The following MGAT4A variants were observed in gnomAD, a reference collection of about 807,000 sequenced individuals.
The protein encoded by MGAT4A is N-acetylglucosaminyltransferase IVa.
A neutral mutation model predicts 74.1 loss-of-function variants in MGAT4A; 33 were observed. The ratio of observed to expected loss-of-function variants is 0.45; its 90% confidence interval spans 0.34 to 0.60. The LOEUF is 0.60. MGAT4A is among the 20% of genes least tolerant of loss of function. The pLI is 0.02. For missense variants in MGAT4A, 479 were observed against 628.3 expected (o/e 0.76, Z 2.54); for synonymous variants, 198 against 210.4 (o/e 0.94, Z 0.51).
At chr2:98,711,684 G>A (rs1396265048) in intron 2 of MGAT4A, among the ~76,000 whole-genome samples, 1 of 151,960 alleles carries the variant, frequency 6.6e-6, no homozygotes, top group Non-Finnish European at 1.5e-5. Context: ...ACGTGCATAA[G>A]TACCACGTTA....
chr2:98,630,224 C>G (rs76023335), intron 14 of MGAT4A, among the ~76,000 whole-genome samples: 3 of 152,036 alleles, frequency 2.0e-5, no homozygotes, highest in African/African-American at 7.2e-5. Flanking sequence ...GAGAACAGAT[C>G]GTGCTGTCCA....
At chr2:98,691,148 G>A (rs1468951466) in intron 2 of MGAT4A, among the ~76,000 whole-genome samples, 2 of 152,108 alleles carry the variant, frequency 1.3e-5, no homozygotes, top group Non-Finnish European at 2.9e-5. Flanking sequence ...TATATGTCCA[G>A]GGGTCTTGTA....
chr2:98,630,983 C>T (rs1050468491), intron 14 of MGAT4A, among the ~76,000 whole-genome samples: 3 of 152,226 alleles, frequency 2.0e-5, no homozygotes, highest in African/African-American at 7.2e-5. Flanking sequence ...GAACCCCACA[C>T]TCCTGGCATT....
intron 2 of MGAT4A, among the ~76,000 whole-genome samples, chr2:98,684,567 T>C (rs866972697): frequency 2.0e-4 from 31 of 152,160 alleles, no homozygotes; most frequent in African/African-American, 4.3e-4. Context: ...GTGAAAAGGG[T>C]AACTCTGGGC....
chr2:98,717,286 G>A (rs1444002847), intron 2 of MGAT4A, among the ~76,000 whole-genome samples: 1 of 151,998 alleles, frequency 6.6e-6, no homozygotes, highest in African/African-American at 2.4e-5. Context: ...GGCCGAGATA[G>A]GAGAATCGCT....
intron 2 of MGAT4A, among the ~76,000 whole-genome samples, chr2:98,693,153 T>C (rs1161901586): frequency 6.6e-6 from 1 of 152,176 alleles, no homozygotes; most frequent in African/African-American, 2.4e-5. Context: ...TGGCACATTT[T>C]TTAAGCACTA....
intron 4 of MGAT4A, among the ~76,000 whole-genome samples, chr2:98,664,059 T>C (rs1701790813): frequency 6.6e-6 from 1 of 151,716 alleles, no homozygotes; most frequent in African/African-American, 2.4e-5. Context: ...ATACAAAAAT[T>C]ATCTGGGCAT....
chr2:98,711,688 C>G (rs1189163229), intron 2 of MGAT4A, among the ~76,000 whole-genome samples: 1 of 152,016 alleles, frequency 6.6e-6, no homozygotes, highest in African/African-American at 2.4e-5. Flanking sequence ...GCATAAGTAC[C>G]ACGTTAGCCT....
chr2:98,675,222 G>A (rs1440993108), intron 3 of MGAT4A, 47 bp from the exon 4 acceptor site: 1 of 1,392,120 alleles, frequency 7.2e-7, no homozygotes, highest in Non-Finnish European at 9.8e-7. Context: ...CCTTACAGAA[G>A]TTGCTGATTT....
chr2:98,628,442 A>G (rs1701178064), intron 14 of MGAT4A, among the ~76,000 whole-genome samples: 1 of 152,242 alleles, frequency 6.6e-6, no homozygotes, highest in Non-Finnish European at 1.5e-5. Flanking sequence ...TGATTTAATT[A>G]ACTCGTGATT....
Position 98,625,182 on chromosome 2 carries a change from A to T in MGAT4A, c.*384T>A. 3 of 820,274 alleles carry T rather than the reference A, an allele frequency of 3.7e-6. No individual in the cohort carries two copies. Among genetic ancestry groups the T allele is most frequent in the Non-Finnish European group, 4.4e-6 (3 of 679,462 alleles). The allele number at this position is 820,274 out of a possible 1,614,324, so 50.8% of individuals were successfully genotyped here. On this transcript the variant is annotated 3_prime_UTR_variant, in exon 16 of 16. Transcript: ENST00000393487. ...ATATATAATCCCTGATAATCTATAA[A>T]AGAGGGTCTATAATAGTAAAATAAG... is the stretch of plus-strand genomic sequence containing the variant.
Position 98,659,812 on chromosome 2 carries a change from C to T in MGAT4A, c.538-1548G>A, listed in dbSNP as rs1401405940. On this transcript the variant is annotated intron_variant, in intron 5 of 15. Coordinates refer to ENST00000393487, the MANE Select transcript of MGAT4A (RefSeq NM_012214.3). ...ATAAATTACCCAGTCTTGGGTATGT[C>T]TTTATCAGCAGCATAAAAATGGACT... Among the ~76,000 whole-genome samples, 3 of 152,046 alleles carry T rather than the reference C, an allele frequency of 2.0e-5. No individual in the cohort carries two copies. In the East Asian group the frequency reaches 5.8e-4, roughly 29 times the overall value.
intron 2 of MGAT4A, 187 bp downstream of exon 2, chr2:98,726,052 C>A: frequency 2.1e-6 from 1 of 476,922 alleles, no homozygotes; most frequent in South Asian, 4.9e-5. Context: ...AAACAAGCCC[C>A]ACTGGAATTA....
intron 2 of MGAT4A, among the ~76,000 whole-genome samples, chr2:98,706,166 C>T (rs1252494639): frequency 6.6e-6 from 1 of 151,942 alleles, no homozygotes; most frequent in African/African-American, 2.4e-5. Flanking sequence ...TATGTCATGA[C>T]CTAAACCCTA....
rs560336719 is a variant in MGAT4A at position 98,662,957 on chromosome 2, G to A, written c.537+89C>T. 40 of 1,069,446 alleles carry A rather than the reference G, an allele frequency of 3.7e-5. 1 individual carries two copies. The highest frequency in any genetic ancestry group is 1.1e-4 in the African/African-American group (7 of 62,716). 66.2% of individuals were successfully genotyped at this position (1,069,446 alleles called of 1,614,324 possible). A position where few individuals can be genotyped will look rare whatever the true frequency, so the allele number is the denominator to read the frequency against. The stretch of plus-strand genomic sequence containing the variant: ...TTACTCATCACATTTTTTAAAAAGC[G>A]TTTTTAAAAGCATATTCAAATATTC... On this transcript the variant is annotated intron_variant, in intron 5 of 15. Coordinates refer to ENST00000393487, the MANE Select transcript of MGAT4A (RefSeq NM_012214.3).
chr2:98,647,392 G>C (rs149942325), intron 8 of MGAT4A, among the ~76,000 whole-genome samples: 498 of 152,258 alleles, frequency 3.3e-3, no homozygotes, highest in African/African-American at 0.012. Flanking sequence ...TCGGCTCACT[G>C]TAACCTCTGC....
intron 2 of MGAT4A, among the ~76,000 whole-genome samples, chr2:98,713,682 G>C (rs2104327836): frequency 6.6e-6 from 1 of 152,276 alleles, no homozygotes; most frequent in East Asian, 1.9e-4. Context: ...GTAGAAACAA[G>C]GAAGGAATAG....
chr2:98,648,350 A>G (rs1473692555), intron 8 of MGAT4A, among the ~76,000 whole-genome samples: 3 of 152,142 alleles, frequency 2.0e-5, no homozygotes, highest in Non-Finnish European at 4.4e-5. Context: ...AATACAAAAA[A>G]TTAGCCAGGC....
chr2:98,672,682 T>A (rs781691910), intron 4 of MGAT4A, among the ~76,000 whole-genome samples: 1 of 152,232 alleles, frequency 6.6e-6, no homozygotes, highest in Non-Finnish European at 1.5e-5. Flanking sequence ...CCATTCTTTA[T>A]GCGTTTATGC....
Sources: allele counts gnomAD v4.1 joint callset (sites outside exome capture counted in the v4.1 genomes callset), GRCh38; gene constraint gnomAD v4.1.1; transcripts MANE v1.5; gene names NCBI Gene and HGNC (gene_info 2026-07-23, HGNC 2026-07-21).